Variants in LOXHD1 observed in about 807,000 individuals in gnomAD.
The protein encoded by LOXHD1 is lipoxygenase homology PLAT domains 1.
In LOXHD1, 205 loss-of-function variants were observed where a neutral mutation model predicts 248.2. The ratio of observed to expected loss-of-function variants is 0.83; its 90% confidence interval spans 0.74 to 0.93. The LOEUF (loss-of-function observed/expected upper bound fraction) is 0.93. LOXHD1 is among the 40% of genes least tolerant of loss of function. The pLI is 0.00. For synonymous variants in LOXHD1, 1,113 were observed against 1,162.8 expected, an observed-to-expected ratio of 0.96 and a Z score of 0.87; for missense variants, 2,930 against 2,971.6, an observed-to-expected ratio of 0.99 and a Z score of 0.33.
chr18:46,639,473 T>A, intron 4 of LOXHD1, 143 bp downstream of exon 4: 1 of 982,824 alleles, frequency 1.0e-6, no homozygotes, highest in South Asian at 1.8e-5. Flanking sequence ...GGCTTCCCCT[T>A]GGCCCTAACC....
chr18:46,583,263 G>T (rs2144170978), intron 12 of LOXHD1, among the ~76,000 whole-genome samples: 2 of 152,288 alleles, frequency 1.3e-5, no homozygotes, highest in South Asian at 4.1e-4. Flanking sequence ...GGCTGGGCAA[G>T]AATTCTTTAA....
intron 12 of LOXHD1, among the ~76,000 whole-genome samples, chr18:46,582,772 G>A (rs1373366678): frequency 6.6e-6 from 1 of 152,194 alleles, no homozygotes. Context: ...TTTACATAAT[G>A]AGGAGTTCTT....
intron 4 of LOXHD1, among the ~76,000 whole-genome samples, chr18:46,629,802 A>AAG (rs1184205080): frequency 8.2e-4 from 124 of 151,346 alleles, no homozygotes; most frequent in African/African-American, 2.9e-3. Flanking sequence ...TAAAAAAAAA[A>AAG]AAAAAGAAAA....
intron 37 of LOXHD1, 83 bp downstream of exon 37, chr18:46,505,755 A>C (rs946243024): frequency 1.4e-6 from 2 of 1,426,860 alleles, no homozygotes; most frequent in African/African-American, 2.8e-5. Flanking sequence ...ATCAGAGTCA[A>C]TGTGCTGCCA....
intron 2 of LOXHD1, among the ~76,000 whole-genome samples, chr18:46,645,180 G>C (rs1275306768): frequency 6.6e-6 from 1 of 152,202 alleles, no homozygotes; most frequent in East Asian, 1.9e-4. Context: ...AATGCCTGTG[G>C]GTTTCAGAAA....
intron 4 of LOXHD1, among the ~76,000 whole-genome samples, chr18:46,632,046 A>C (rs1334348693): frequency 6.6e-6 from 1 of 152,220 alleles, no homozygotes; most frequent in Non-Finnish European, 1.5e-5. Flanking sequence ...GCCCTAGACC[A>C]AGAAACAGAA....
chr18:46,530,249 C>T (rs1365560031), intron 28 of LOXHD1, among the ~76,000 whole-genome samples: 1 of 152,162 alleles, frequency 6.6e-6, no homozygotes, highest in Non-Finnish European at 1.5e-5. Context: ...GGAAGGTTAA[C>T]TTCCCTTGTC....
At chr18:46,606,666 A>C (rs1389845322) in intron 6 of LOXHD1, among the ~76,000 whole-genome samples, 1 of 152,206 alleles carries the variant, frequency 6.6e-6, no homozygotes, top group East Asian at 1.9e-4. Flanking sequence ...AAAAACCTGA[A>C]ATCTGAAACA....
intron 21 of LOXHD1, among the ~76,000 whole-genome samples, chr18:46,552,358 T>C (rs937215606): frequency 6.6e-6 from 1 of 152,206 alleles, no homozygotes; most frequent in Non-Finnish European, 1.5e-5. Context: ...GGGACTCCTA[T>C]AAAGGACCTC....
At chr18:46,632,575 C>G (rs965708732) in intron 4 of LOXHD1, among the ~76,000 whole-genome samples, 9 of 152,074 alleles carry the variant, frequency 5.9e-5, no homozygotes, top group Non-Finnish European at 1.2e-4. Context: ...TGAGCCATTC[C>G]CGGCAGGATG....
intron 26 of LOXHD1, among the ~76,000 whole-genome samples, chr18:46,534,927 C>G (rs1389094867): frequency 6.6e-6 from 1 of 152,214 alleles, no homozygotes; most frequent in Non-Finnish European, 1.5e-5. Flanking sequence ...CCCTAGAACT[C>G]CACATTCCTT....
chr18:46,534,470 G>C lies in LOXHD1; in HGVS notation c.4096-19C>G. On this transcript the variant is annotated intron_variant, in intron 26 of 40. Coordinates refer to ENST00000642948, the MANE Select transcript of LOXHD1 (RefSeq NM_001384474.1). ...CTTCTAACTTTGGAAAGGAGATAAG[G>C]CACTGAATGTTAGCTGAAAGATCCA... 4 of 1,525,718 alleles carry C rather than the reference G, an allele frequency of 2.6e-6. No homozygotes were observed. The highest frequency in any genetic ancestry group is 3.6e-6 in the Non-Finnish European group (4 of 1,123,316). 94.5% of individuals were successfully genotyped at this position (1,525,718 alleles called of 1,614,324 possible). A position where few individuals can be genotyped will look rare whatever the true frequency, so the allele number is the denominator to read the frequency against.
chr18:46,634,170 A>G (rs540577537), intron 4 of LOXHD1, among the ~76,000 whole-genome samples: 13 of 152,242 alleles, frequency 8.5e-5, no homozygotes, highest in Non-Finnish European at 1.3e-4. Context: ...TAAAAGGTGG[A>G]AATAGTCCAA....
chr18:46,512,505 C>T (rs989813742), intron 34 of LOXHD1, among the ~76,000 whole-genome samples: 1 of 152,190 alleles, frequency 6.6e-6, no homozygotes, highest in Non-Finnish European at 1.5e-5. Context: ...TCTGGTCTCC[C>T]ATTTAGCCAG....
chr18:46,512,421 T>C (rs1179219195), intron 34 of LOXHD1, among the ~76,000 whole-genome samples: 1 of 152,138 alleles, frequency 6.6e-6, no homozygotes, highest in Non-Finnish European at 1.5e-5. Context: ...CACCCCCATT[T>C]CTTCTCCCAA....
intron 19 of LOXHD1, among the ~76,000 whole-genome samples, chr18:46,559,826 A>C (rs1359499406): frequency 6.6e-6 from 1 of 152,164 alleles, no homozygotes; most frequent in Non-Finnish European, 1.5e-5. Flanking sequence ...AGTTGTATTG[A>C]GTCATATCAG....
At chr18:46,489,267 G>C in intron 37 of LOXHD1, 125 bp from the exon 38 acceptor site, 2 of 986,020 alleles carry the variant, frequency 2.0e-6, no homozygotes, top group Non-Finnish European at 1.5e-6. Context: ...TTTGGGCCTT[G>C]ATCTCCTTGT....
rs71162809 is a variant in LOXHD1 at position 46,573,022 on chromosome 18, C to CAAAAAAA, written c.1971-867_1971-861dup. Among the ~76,000 whole-genome samples the CAAAAAAA allele has an allele frequency of 9.9e-4, 57 of 57,298 alleles. 4 individuals carry two copies. Among genetic ancestry groups the CAAAAAAA allele is most frequent in the East Asian group, 2.3e-3 (4 of 1,714 alleles). 37.6% of individuals were successfully genotyped at this position (57,298 alleles called of 152,430 possible). On this transcript the variant is annotated intron_variant, in intron 14 of 40. Coordinates refer to ENST00000642948, the MANE Select transcript of LOXHD1 (RefSeq NM_001384474.1). ...TGGGCGACAGGGTGAGACTCCGTCT[C>CAAAAAAA]AAAAAAAAAAAAAAAAAAAAAAAAG...
At chr18:46,535,358 T>C (rs574224305) in intron 26 of LOXHD1, among the ~76,000 whole-genome samples, 1 of 152,046 alleles carries the variant, frequency 6.6e-6, no homozygotes, top group South Asian at 2.1e-4. Context: ...AATGCGGTGG[T>C]GAGCCTTAAC....
Sources: gnomAD v4.1 joint callset for allele counts (sites outside exome capture counted in the v4.1 genomes callset) on GRCh38, gnomAD v4.1.1 for gene constraint, MANE v1.5 for transcripts, NCBI Gene and HGNC (gene_info 2026-07-23, HGNC 2026-07-21) for gene names.